Variants in NAV1 observed in about 807,000 individuals in gnomAD.
The protein encoded by NAV1 is pore membrane and/or filament interacting like protein 3.
Under a neutral mutation model 175.2 loss-of-function variants are expected in NAV1, and 18 were observed. That is an observed-to-expected ratio of 0.10 (90% confidence interval 0.07 to 0.15). The LOEUF is 0.15. Among genes scored for constraint, NAV1 ranks in the 10% least tolerant of loss-of-function variants. The probability of loss-of-function intolerance (pLI) is 1.00; values close to 1 mark genes in which losing one functional copy is unlikely to be tolerated. For synonymous variants in NAV1, 897 were observed against 978.7 expected (o/e 0.92, Z 1.56); for missense variants, 1,731 against 2,436.6 (o/e 0.71, Z 6.10).
At chr1:201,737,989 C>T (rs139127727) in intron 3 of NAV1, among the ~76,000 whole-genome samples, 14 of 152,186 alleles carry the variant, frequency 9.2e-5, no homozygotes, top group African/African-American at 2.9e-4. Context: ...CACCCCGTTT[C>T]GGGTGGTGGT....
intron 3 of NAV1, among the ~76,000 whole-genome samples, chr1:201,759,161 C>T (rs986875787): frequency 6.6e-6 from 1 of 152,164 alleles, no homozygotes; most frequent in Non-Finnish European, 1.5e-5. Flanking sequence ...CATTGATTAG[C>T]CTACATCTGG....
chr1:201,747,127 T>G (rs1197699020), intron 3 of NAV1, among the ~76,000 whole-genome samples: 2 of 152,070 alleles, frequency 1.3e-5, no homozygotes, highest in Non-Finnish European at 2.9e-5. Flanking sequence ...AGTGGATCAA[T>G]AGGTAATGTA....
At chr1:201,572,013 C>T (rs1343235062) in intron 1 of NAV1, among the ~76,000 whole-genome samples, 1 of 152,242 alleles carries the variant, frequency 6.6e-6, no homozygotes, top group Non-Finnish European at 1.5e-5. Flanking sequence ...GTCATTCACT[C>T]ATCTGATCGC....
intron 1 of NAV1, among the ~76,000 whole-genome samples, chr1:201,656,219 A>G (rs923289279): frequency 2.0e-5 from 3 of 152,250 alleles, no homozygotes; most frequent in Non-Finnish European, 4.4e-5. Context: ...TTTCAGGGCC[A>G]CTGGAGTGGG....
At chr1:201,730,835 CTGG>C (rs572432545) in intron 3 of NAV1, among the ~76,000 whole-genome samples, 1 of 152,168 alleles carries the variant, frequency 6.6e-6, no homozygotes, top group South Asian at 2.1e-4. Context: ...GCTCTGGCCT[CTGG>C]GCTATCAGAT....
chr1:201,712,998 G>A, intron 2 of NAV1, 79 bp downstream of exon 6: 1 of 1,062,668 alleles, frequency 9.4e-7, no homozygotes, highest in Admixed American at 1.7e-5. Flanking sequence ...GGGCCCCCGG[G>A]TCCCTCCACA....
Position 201,788,771 on chromosome 1 carries a change from G to GTTT in NAV1, c.3166+137_3166+139dup. On this transcript the variant is annotated intron_variant, in intron 10 of 29. Transcript: ENST00000367296. This position sits in a 1 kb window ranked among gnomAD's most constrained non-coding sequence, Gnocchi z 5.7. ...CAGAACATCAAGTTGGGCCATTTCA[G>GTTT]TTTTTTCTCCCCATCCCTTTGAAGG... is the stretch of plus-strand genomic sequence containing the variant. 1.8e-6 allele frequency: 2 copies of GTTT among 1,132,916 alleles called. No individual in the cohort carries two copies. Among genetic ancestry groups the GTTT allele is most frequent in the South Asian group, 3.1e-5 (2 of 63,906 alleles). The allele number at this position is 1,132,916 out of a possible 1,614,324, so 70.2% of individuals were successfully genotyped here.
chr1:201,780,607 A>G (rs758774837), intron 4 of NAV1, 48 bp downstream of exon 8: 3 of 1,612,082 alleles, frequency 1.9e-6, no homozygotes, highest in Non-Finnish European at 2.5e-6. Flanking sequence ...GATGAACCAC[A>G]GGGCAAATGG....
intron 2 of NAV1, among the ~76,000 whole-genome samples, chr1:201,591,203 G>A (rs1667182266): frequency 6.6e-6 from 1 of 152,134 alleles, no homozygotes; most frequent in Admixed American, 6.5e-5. Context: ...CGGTATTGGA[G>A]TCAAAGATCC....
intron 2 of NAV1, among the ~76,000 whole-genome samples, chr1:201,635,168 A>G (rs1285343442): frequency 6.6e-6 from 1 of 150,798 alleles, no homozygotes; most frequent in African/African-American, 2.4e-5. Context: ...CCTCCCAAGT[A>G]GCTGGGACTA....
At chr1:201,814,400 G>A (rs892418126) in intron 28 of NAV1, among the ~76,000 whole-genome samples, 2 of 151,622 alleles carry the variant, frequency 1.3e-5, no homozygotes, top group African/African-American at 2.4e-5. Context: ...TTAAAAGTTA[G>A]AATAAAAACT....
intron 1 of NAV1, among the ~76,000 whole-genome samples, chr1:201,654,205 G>A (rs1669311831): frequency 6.6e-6 from 1 of 152,288 alleles, no homozygotes; most frequent in South Asian, 2.1e-4. Context: ...AACCCAGGGA[G>A]ATACCCTTTA....
At chr1:201,774,575 G>A (rs749082311) in intron 3 of NAV1, among the ~76,000 whole-genome samples, 2 of 152,064 alleles carry the variant, frequency 1.3e-5, no homozygotes, top group Non-Finnish European at 2.9e-5. Flanking sequence ...AGGATCACTT[G>A]AACCCAGGAG....
At chr1:201,798,101 G>A (rs1303970604) in intron 15 of NAV1, 1 of 152,144 alleles carries the variant, frequency 6.6e-6, no homozygotes, top group Non-Finnish European at 1.5e-5. Flanking sequence ...TCATTTGCCT[G>A]GTTGCCCAAG....
In NAV1 at chr1:201,796,891, C is replaced by T. The variant is rs181142050; in HGVS notation, c.3517+2314C>T. On this transcript the variant is annotated intron_variant, in intron 15 of 29. Coordinates refer to ENST00000367296, the Ensembl canonical transcript of NAV1. ...TTTTAATAATTCTGAATATTAGACC[C>T]TTATCAGACACATGATTTGAAAAAT... is the stretch of plus-strand genomic sequence containing the variant. 312 of 152,310 alleles carry T rather than the reference C, an allele frequency of 2.0e-3. 2 individuals carry two copies. Among genetic ancestry groups the T allele is most frequent in the African/African-American group, 7.2e-3 (301 of 41,568 alleles). 9.4% of individuals were successfully genotyped at this position (152,310 alleles called of 1,614,324 possible).
At chr1:201,819,858 C>G (rs1269937792) in exon 30 of NAV1, 1 of 1,614,034 alleles carries the variant, frequency 6.2e-7, no homozygotes, top group African/African-American at 1.3e-5. Flanking sequence ...GCTGAAACTT[C>G]AAGAAGCTGC....
chr1:201,699,062 T>A (rs143077709), intron 1 of NAV1, among the ~76,000 whole-genome samples: 1,829 of 152,322 alleles, frequency 0.012, 45 homozygotes, highest in East Asian at 0.092. Context: ...CCGCTCCTAT[T>A]CAACATAGTG....
Position 201,789,720 on chromosome 1 carries a change from G to T in NAV1, c.3167-20G>T, listed in dbSNP as rs1676984306. 1 of 1,613,568 alleles carries T rather than the reference G, an allele frequency of 6.2e-7. No homozygotes were observed. The highest frequency in any genetic ancestry group is 1.3e-5 in the African/African-American group (1 of 74,882). Reference sequence around the variant, plus strand: ...CCCTGGAACCCACTGTTAACTCTTTGTGTTCTCCTTCTCTTTCAGTTCACG... The same window carrying T: ...CCCTGGAACCCACTGTTAACTCTTTTTGTTCTCCTTCTCTTTCAGTTCACG... On this transcript the variant is annotated intron_variant, in intron 10 of 29. Coordinates refer to ENST00000367296, the Ensembl canonical transcript of NAV1.
intron 3 of NAV1, among the ~76,000 whole-genome samples, chr1:201,738,084 G>A (rs768720956): frequency 6.6e-6 from 1 of 152,026 alleles, no homozygotes; most frequent in Non-Finnish European, 1.5e-5. Context: ...TGAAATGGAA[G>A]AATATGTGAG....
Sources: allele counts gnomAD v4.1 joint callset (sites outside exome capture counted in the v4.1 genomes callset), GRCh38; gene constraint gnomAD v4.1.1; non-coding constraint Gnocchi (gnomAD v3.1); transcripts MANE v1.5; gene names NCBI Gene and HGNC (gene_info 2026-07-23, HGNC 2026-07-21).